The following PLEKHA7 variants were observed in gnomAD, a reference collection of about 807,000 sequenced individuals.
PLEKHA7 encodes pleckstrin homology domain-containing family A member 7.
In PLEKHA7, 104 loss-of-function variants were observed where a neutral mutation model predicts 170.0. That is an observed-to-expected ratio of 0.61 (90% CI 0.52 to 0.72). The LOEUF (loss-of-function observed/expected upper bound fraction) is 0.72, where lower values mean the gene tolerates loss of function less well. PLEKHA7 is among the 30% of genes least tolerant of loss of function. PLEKHA7 has a pLI of 0.00. For synonymous variants in PLEKHA7, 648 were observed against 660.8 expected (o/e 0.98, Z 0.30); for missense variants, 1,615 against 1,671.7 (o/e 0.97, Z 0.59).
At chr11:16,953,827 G>C (rs1333352720) in intron 3 of PLEKHA7, among the ~76,000 whole-genome samples, 1 of 152,170 alleles carries the variant, frequency 6.6e-6, no homozygotes, top group African/African-American at 2.4e-5. Flanking sequence ...AAAATGCAAA[G>C]CAGATTTAGA....
At chr11:16,804,631 T>G (rs1478390142) in intron 13 of PLEKHA7, among the ~76,000 whole-genome samples, 2 of 152,148 alleles carry the variant, frequency 1.3e-5, no homozygotes, top group African/African-American at 4.8e-5. Context: ...GACGGAACCA[T>G]TGTTTTATCT....
chr11:16,994,766 G>A (rs1325352423), intron 3 of PLEKHA7, among the ~76,000 whole-genome samples: 3 of 152,066 alleles, frequency 2.0e-5, no homozygotes, highest in Non-Finnish European at 4.4e-5. Context: ...TCAAGATCCA[G>A]CTCGGGCTCT....
At chr11:17,013,963 C>T (rs1316594994) in intron 3 of PLEKHA7, 26 bp downstream of exon 3, 1 of 1,527,074 alleles carries the variant, frequency 6.5e-7, no homozygotes, top group East Asian at 2.6e-5. Context: ...GGCACAGGTG[C>T]GAGCGCGGCG....
chr11:16,938,062 TC>T (rs1244243601), intron 3 of PLEKHA7, among the ~76,000 whole-genome samples: 1 of 152,226 alleles, frequency 6.6e-6, no homozygotes, highest in Non-Finnish European at 1.5e-5. Context: ...CCTGGGTTTG[TC>T]CTTTTCCTCT....
chr11:16,994,931 G>A (rs1455008550), intron 3 of PLEKHA7, among the ~76,000 whole-genome samples: 1 of 152,140 alleles, frequency 6.6e-6, no homozygotes, highest in Non-Finnish European at 1.5e-5. Flanking sequence ...CACCAGTGTT[G>A]CTTTGATTCA....
intron 8 of PLEKHA7, among the ~76,000 whole-genome samples, chr11:16,849,810 C>T (rs948815316): frequency 5.9e-5 from 9 of 152,156 alleles, no homozygotes; most frequent in Admixed American, 2.0e-4. Flanking sequence ...CAGTATTCCA[C>T]GCAACATGAC....
At chr11:16,861,813 C>CAGA (rs1466377377) in intron 4 of PLEKHA7, among the ~76,000 whole-genome samples, 1 of 152,158 alleles carries the variant, frequency 6.6e-6, no homozygotes. Flanking sequence ...AATCTACACA[C>CAGA]AGAGAGCTCG....
At chr11:16,877,191 G>A (rs537769246) in intron 3 of PLEKHA7, among the ~76,000 whole-genome samples, 4 of 152,250 alleles carry the variant, frequency 2.6e-5, no homozygotes, top group African/African-American at 7.2e-5. Flanking sequence ...CTGTAAAAGC[G>A]TTACCCTGCA....
intron 3 of PLEKHA7, chr11:17,013,397 G>C (rs1865437346): frequency 6.6e-6 from 1 of 152,394 alleles, no homozygotes; most frequent in African/African-American, 2.4e-5. Context: ...CGGAGCGCTC[G>C]AGGAAAGTCA....
intron 23 of PLEKHA7, 90 bp from the exon 24 acceptor site, chr11:16,786,477 G>A: frequency 6.6e-7 from 1 of 1,515,724 alleles, no homozygotes; most frequent in Non-Finnish European, 8.8e-7. Context: ...TCCTTTGGAA[G>A]ATGAACCTGT....
At chr11:16,868,561 C>G (rs1350962279) in intron 4 of PLEKHA7, among the ~76,000 whole-genome samples, 2 of 152,192 alleles carry the variant, frequency 1.3e-5, no homozygotes, top group Non-Finnish European at 2.9e-5. Flanking sequence ...GAGTCCAGCA[C>G]AGCCCCAGAC....
chr11:16,778,838 G>C lies in PLEKHA7; in HGVS notation c.*160C>G. ...GCTAAACTAGTGGGTGCATATTAGG[G>C]CCTGGCCTGTGGTGAACACCCGCAG... is the stretch of plus-strand genomic sequence containing the variant. On this transcript the variant is annotated 3_prime_UTR_variant, in exon 27 of 27. Coordinates refer to ENST00000531066, the MANE Select transcript of PLEKHA7 (RefSeq NM_001329630.2). 1 of 659,302 alleles carries C rather than the reference G, an allele frequency of 1.5e-6. No homozygotes were observed. The highest frequency in any genetic ancestry group is 2.8e-6 in the Non-Finnish European group (1 of 362,956). 40.8% of individuals were successfully genotyped at this position (659,302 alleles called of 1,614,324 possible).
At chr11:16,787,702 T>C (rs2134174760) in intron 23 of PLEKHA7, 1 of 152,314 alleles carries the variant, frequency 6.6e-6, no homozygotes, top group East Asian at 1.9e-4. Flanking sequence ...TGCAGAGACT[T>C]ACACAAGTCT....
chr11:17,000,492 C>T (rs1031390519), intron 3 of PLEKHA7, among the ~76,000 whole-genome samples: 2 of 152,156 alleles, frequency 1.3e-5, no homozygotes, highest in East Asian at 3.9e-4. Context: ...ATTTACTGCC[C>T]AGCTTCCTTT....
intron 4 of PLEKHA7, among the ~76,000 whole-genome samples, chr11:16,867,295 A>G: frequency 6.6e-6 from 1 of 152,182 alleles, no homozygotes; most frequent in East Asian, 1.9e-4. Context: ...AAGAATTTAC[A>G]GTTCTAACAC....
At chr11:16,906,557 G>C (rs1390866749) in intron 3 of PLEKHA7, among the ~76,000 whole-genome samples, 2 of 138,590 alleles carry the variant, frequency 1.4e-5, no homozygotes, top group Non-Finnish European at 3.0e-5. Context: ...TCCTAACCGC[G>C]AGTGATCTGC....
intron 10 of PLEKHA7, among the ~76,000 whole-genome samples, chr11:16,821,872 T>C (rs1023108316): frequency 2.0e-5 from 3 of 152,208 alleles, no homozygotes; most frequent in Non-Finnish European, 4.4e-5. Context: ...TTCTAGCCCA[T>C]TGAGATCTGC....
intron 3 of PLEKHA7, among the ~76,000 whole-genome samples, chr11:16,928,289 G>A (rs1859702935): frequency 1.3e-5 from 2 of 152,098 alleles, no homozygotes; most frequent in Non-Finnish European, 2.9e-5. Flanking sequence ...CAGCCTGGGT[G>A]ACGGAGTGAG....
chr11:16,879,764 C>G (rs1590439791), intron 3 of PLEKHA7, among the ~76,000 whole-genome samples: 2 of 152,208 alleles, frequency 1.3e-5, no homozygotes, highest in South Asian at 4.1e-4. Flanking sequence ...TTTCCAAGCT[C>G]TAGATTTAAC....
Sources: allele counts gnomAD v4.1 joint callset (sites outside exome capture counted in the v4.1 genomes callset), GRCh38; gene constraint gnomAD v4.1.1; transcripts MANE v1.5; gene names NCBI Gene and HGNC (gene_info 2026-07-23, HGNC 2026-07-21).